The following ITIH2 variants were observed in gnomAD, a reference collection of about 807,000 sequenced individuals.
The protein encoded by ITIH2 is inter-alpha-trypsin inhibitor heavy chain 2, also known as inter-alpha-trypsin inhibitor heavy chain H2.
ITIH2 carries 103 observed loss-of-function variants against 104.4 expected under a neutral mutation model. That is an observed-to-expected ratio of 0.99 (90% CI 0.84 to 1.16). ITIH2 has a LOEUF of 1.16. Ranked by LOEUF, ITIH2 falls within the 50% of genes most tolerant of loss-of-function variation. The pLI is 0.00. For synonymous variants in ITIH2, 436 were observed against 435.4 expected (o/e 1.00, Z -0.02); for missense variants, 1,108 against 1,162.4 (o/e 0.95, Z 0.68).
rs1328076595 is a variant in ITIH2 at position 7,737,572 on chromosome 10, TTAAATTC to T, written c.1958-1046_1958-1040del. ...TATGTATTCTATATAATATTATATA[TTAAATTC>T]TATATTCTATATTATATTCTATATT... On this transcript the variant is annotated intron_variant, in intron 15 of 20. Coordinates refer to ENST00000358415, the MANE Select transcript of ITIH2 (RefSeq NM_002216.3). Among the ~76,000 whole-genome samples, 36 of 132,638 alleles carry T rather than the reference TTAAATTC, an allele frequency of 2.7e-4. 1 individual carries two copies. Among genetic ancestry groups the T allele is most frequent in the African/African-American group, 1.0e-3 (35 of 34,424 alleles). The allele number at this position is 132,638 out of a possible 152,430, so 87.0% of individuals were successfully genotyped here.
chr10:7,733,136 C>A (rs1373034525), intron 14 of ITIH2, among the ~76,000 whole-genome samples: 1 of 150,320 alleles, frequency 6.7e-6, no homozygotes, highest in East Asian at 1.9e-4. Context: ...CAACACCCAC[C>A]CCCCTCCTCC....
At chr10:7,703,623 T>C in intron 1 of ITIH2, 105 bp downstream of exon 1, 1 of 714,330 alleles carries the variant, frequency 1.4e-6, no homozygotes, top group South Asian at 1.6e-5. Context: ...TAATGGAAAC[T>C]TAAGATAAAA....
chr10:7,735,726 A>C (rs1204649952), intron 15 of ITIH2, among the ~76,000 whole-genome samples: 5 of 145,692 alleles, frequency 3.4e-5, no homozygotes, highest in Admixed American at 7.0e-5. Flanking sequence ...AGGCTGGAGC[A>C]CAATGGCACG....
intron 19 of ITIH2, among the ~76,000 whole-genome samples, chr10:7,745,348 C>T (rs1835166352): frequency 6.6e-6 from 1 of 152,144 alleles, no homozygotes; most frequent in African/African-American, 2.4e-5. Flanking sequence ...TGTGACATCA[C>T]AAACAAAACT....
chr10:7,707,817 A>G (rs1834761508), intron 3 of ITIH2, among the ~76,000 whole-genome samples: 2 of 152,302 alleles, frequency 1.3e-5, no homozygotes, highest in South Asian at 4.1e-4. Context: ...CACCTCCCTC[A>G]GCCTCCCAAA....
chr10:7,727,156 T>C, intron 10 of ITIH2, 38 bp downstream of exon 10: 1 of 1,549,240 alleles, frequency 6.5e-7, no homozygotes, highest in South Asian at 1.2e-5. Flanking sequence ...AGACACTTCC[T>C]CTGGGTTCAA....
rs1361457956 is a variant in ITIH2, at chr10:7,738,687, C to T, written c.2024C>T (p.Thr675Met). The T allele has an allele frequency of 6.2e-6, 10 of 1,613,770 alleles. No homozygotes were observed. Among genetic ancestry groups the T allele is most frequent in the East Asian group, 2.2e-5 (1 of 44,774 alleles). The change falls in exon 16 of 21, where the codon ACG (threonine) becomes ATG (methionine). Residue 675 changes from threonine (T) to methionine (M), a missense_variant. Thr to Met is a moderately conservative substitution (Grantham distance 81, BLOSUM62 -1). Transcript: ENST00000358415. ...CCGTCTTGGGCCAATCCTTCACCAA[C>T]GCCCGTGATCTCCATGCTGGCACAA... ...STPSWANPSPTPVISMLAQGS... is the reference protein window; with the variant it reads ...STPSWANPSPMPVISMLAQGS...
intron 5 of ITIH2, 33 bp downstream of exon 5, chr10:7,713,318 C>T (rs746978077): frequency 2.8e-5 from 43 of 1,517,582 alleles, no homozygotes; most frequent in Non-Finnish European, 3.7e-5. Flanking sequence ...TTGCCCTTGC[C>T]TCTCAATGAC....
chr10:7,732,626 C>A, intron 14 of ITIH2, 149 bp downstream of exon 14: 1 of 726,976 alleles, frequency 1.4e-6, no homozygotes, highest in Non-Finnish European at 2.1e-6. Context: ...TAGTTCTGAA[C>A]ACTTCAGAGA....
chr10:7,723,755 G>A (rs900219879), intron 9 of ITIH2, among the ~76,000 whole-genome samples, 188 bp downstream of exon 9: 2 of 152,052 alleles, frequency 1.3e-5, no homozygotes, highest in African/African-American at 2.4e-5. Flanking sequence ...ATACACCTCC[G>A]TCTTCTAATC....
intron 3 of ITIH2, among the ~76,000 whole-genome samples, chr10:7,708,615 A>G (rs964150107): frequency 5.3e-5 from 8 of 152,126 alleles, no homozygotes; most frequent in South Asian, 2.1e-4. Context: ...CCTACTAAAG[A>G]TACAACCAAG....
Position 7,740,398 on chromosome 10 carries a change from C to T in ITIH2, c.2095+1640C>T, listed in dbSNP as rs12253437. Among the ~76,000 whole-genome samples the T allele has an allele frequency of 6.8e-3, 1,039 of 152,266 alleles. 9 individuals carry two copies. The highest frequency in any genetic ancestry group is 0.035 in the South Asian group (171 of 4,826). On this transcript the variant is annotated intron_variant, in intron 16 of 20. Coordinates refer to ENST00000358415, the MANE Select transcript of ITIH2 (RefSeq NM_002216.3). ...AGAAGTCTCAGTTAACAGCGGCAAA[C>T]GTCTGCAGCCATGCATGAGTGGGGA...
intron 12 of ITIH2, among the ~76,000 whole-genome samples, chr10:7,731,238 G>A (rs762216229): frequency 3.3e-5 from 5 of 152,006 alleles, no homozygotes; most frequent in Non-Finnish European, 7.4e-5. Context: ...TTTATCATAA[G>A]TTTGTCCAAG....
intron 5 of ITIH2, among the ~76,000 whole-genome samples, chr10:7,714,969 G>A (rs945444425): frequency 1.3e-5 from 2 of 152,154 alleles, no homozygotes; most frequent in East Asian, 1.9e-4. Context: ...GGGCATCGCC[G>A]GATTTTGGTA....
At chr10:7,736,210 T>C (rs1835054322) in intron 15 of ITIH2, among the ~76,000 whole-genome samples, 1 of 151,558 alleles carries the variant, frequency 6.6e-6, no homozygotes, top group African/African-American at 2.4e-5. Context: ...TAGAAAAAAA[T>C]ACTAAAATTA....
rs1208917450 is a variant in ITIH2, at chr10:7,720,942, C to T, written c.717C>T (p.Val239=). The T allele has an allele frequency of 1.2e-6, 2 of 1,611,714 alleles. No homozygotes were observed. Among genetic ancestry groups the T allele is most frequent in the Non-Finnish European group, 1.7e-6 (2 of 1,178,056 alleles). ...TFEGHFDGVP[V]ISKGQQKAHV... is the part of the protein sequence containing the mutation. ...AAGGCCATTTCGATGGTGTTCCGGTCATTTCTAAAGGACAACAGAAGGTAC... is the reference window on the plus strand; with the variant it reads ...AAGGCCATTTCGATGGTGTTCCGGTTATTTCTAAAGGACAACAGAAGGTAC... The change falls in exon 7 of 21, where the codon GTC becomes GTT. Residue 239 remains valine (V), a synonymous_variant. Coordinates refer to ENST00000358415, the MANE Select transcript of ITIH2 (RefSeq NM_002216.3).
At chr10:7,715,988 G>A (rs1834845925) in intron 5 of ITIH2, among the ~76,000 whole-genome samples, 1 of 148,344 alleles carries the variant, frequency 6.7e-6, no homozygotes, top group Non-Finnish European at 1.5e-5. Context: ...TCAGCCTCCG[G>A]AGCAGCTGGG....
chr10:7,725,287 T>C (rs577940594), intron 9 of ITIH2, among the ~76,000 whole-genome samples: 1 of 152,192 alleles, frequency 6.6e-6, no homozygotes, highest in African/African-American at 2.4e-5. Flanking sequence ...GGAGAAGACC[T>C]CTGAGGAGAC....
chr10:7,727,829 G>A lies in ITIH2; in HGVS notation c.1279+1G>A. On this transcript the variant is annotated splice_donor_variant, in intron 11 of 20. Coordinates refer to ENST00000358415, the MANE Select transcript of ITIH2 (RefSeq NM_002216.3). LOFTEE classifies it high-confidence loss of function. ...GTTTCTGATGGAGATCCAACAGTGG[G>A]CAAGTGTCACTTCAACCTTCTCACG... 1 of 1,614,126 alleles carries A rather than the reference G, an allele frequency of 6.2e-7. No homozygotes were observed. Among genetic ancestry groups the A allele is most frequent in the Non-Finnish European group, 8.5e-7 (1 of 1,179,978 alleles).
Sources: gnomAD v4.1 joint callset for allele counts (sites outside exome capture counted in the v4.1 genomes callset) on GRCh38, gnomAD v4.1.1 for gene constraint, MANE v1.5 for transcripts, NCBI Gene and HGNC (gene_info 2026-07-23, HGNC 2026-07-21) for gene names.